The following UBE3A variants were observed in gnomAD, a reference collection of about 807,000 sequenced individuals.
UBE3A encodes the protein ubiquitin-protein ligase E3A.
UBE3A carries 6 observed loss-of-function variants against 83.4 expected under a neutral mutation model. The ratio of observed to expected loss-of-function variants is 0.07; its 90% CI spans 0.04 to 0.14. The LOEUF is 0.14. UBE3A is among the 10% of genes least tolerant of loss of function. The pLI is 1.00. For synonymous variants in UBE3A, 337 were observed against 355.4 expected (o/e 0.95, Z 0.58); for missense variants, 456 against 1,036.1 (o/e 0.44, Z 7.69).
In UBE3A at chr15:25,337,686, GTCAATCAA is replaced by G. The variant is rs138180900; in HGVS notation, c.*1443_*1450del. On this transcript the variant is annotated 3_prime_UTR_variant, in exon 13 of 13. Transcript: ENST00000648336. ...CTACAGTAATCAGTTAAAACAATCA[GTCAATCAA>G]TCAATCAATCACCAAGGCACAAGCT... The G allele has an allele frequency of 6.6e-6, 1 of 151,940 alleles. No individual in the cohort carries two copies. The highest frequency in any genetic ancestry group is 1.5e-5 in the Non-Finnish European group (1 of 67,978). 9.4% of individuals were successfully genotyped at this position (151,940 alleles called of 1,614,324 possible). A position where few individuals can be genotyped will look rare whatever the true frequency, so the allele number is the denominator to read the frequency against.
At chr15:25,382,389 T>C (rs1316149798) in intron 4 of UBE3A, among the ~76,000 whole-genome samples, 1 of 145,046 alleles carries the variant, frequency 6.9e-6, no homozygotes, top group African/African-American at 2.7e-5. Flanking sequence ...GAATGCGTGA[T>C]ATATGATAAA....
At chr15:25,427,363 G>A (rs1891625533) in intron 1 of UBE3A, among the ~76,000 whole-genome samples, 1 of 151,868 alleles carries the variant, frequency 6.6e-6, no homozygotes, top group African/African-American at 2.4e-5. Context: ...AAGATAGAAG[G>A]AAGATGGATA....
intron 1 of UBE3A, among the ~76,000 whole-genome samples, chr15:25,435,364 A>G (rs990732661): frequency 2.0e-5 from 3 of 152,154 alleles, no homozygotes; most frequent in African/African-American, 7.2e-5. Context: ...CACAGGAGGA[A>G]CCTAATAAAT....
intron 1 of UBE3A, among the ~76,000 whole-genome samples, chr15:25,415,092 A>G (rs987646235): frequency 1.3e-5 from 2 of 152,164 alleles, no homozygotes; most frequent in Non-Finnish European, 2.9e-5. Flanking sequence ...TTGCCTTCTA[A>G]TTTATACTCA....
intron 3 of UBE3A, chr15:25,408,814 ATG>A (rs1315824813): frequency 3.9e-5 from 34 of 863,840 alleles, no homozygotes; most frequent in East Asian, 1.9e-4. Context: ...GTTTTCTATA[ATG>A]TTTATAGTAA....
rs1895901392 is a variant in UBE3A, at chr15:25,438,617, C to A, written c.-293G>T. On this transcript the variant is annotated 5_prime_UTR_variant, in exon 1 of 13. Coordinates refer to ENST00000648336, the MANE Select transcript of UBE3A (RefSeq NM_130839.5). ...CCACCGCCGGGGCTCATGCGGGACC[C>A]GCGCTTCCTTATCCGGAAAACGAGG... 2.0e-5 allele frequency: 3 copies of A among 153,006 alleles called. No individual in the cohort carries two copies. Among genetic ancestry groups the A allele is most frequent in the South Asian group, 3.7e-4 (2 of 5,416 alleles). The allele number at this position is 153,006 out of a possible 1,614,324, so 9.5% of individuals were successfully genotyped here. A position where few individuals can be genotyped will look rare whatever the true frequency, so the allele number is the denominator to read the frequency against.
At chr15:25,408,477 C>T in intron 3 of UBE3A, 1 of 1,146,246 alleles carries the variant, frequency 8.7e-7, no homozygotes, top group Non-Finnish European at 1.3e-6. Flanking sequence ...AAACAATAAC[C>T]AAATAACATT....
chr15:25,377,363 A>AC (rs2081386175), intron 4 of UBE3A, among the ~76,000 whole-genome samples: 1 of 152,252 alleles, frequency 6.6e-6, no homozygotes, highest in Admixed American at 6.5e-5. Flanking sequence ...CAGAGAAAAA[A>AC]GAAAACCCAC....
At chr15:25,416,838 G>A (rs1016684088) in intron 1 of UBE3A, among the ~76,000 whole-genome samples, 1 of 152,082 alleles carries the variant, frequency 6.6e-6, no homozygotes, top group Admixed American at 6.6e-5. Context: ...CAAAGGAGGT[G>A]AGCCATCCAC....
intron 3 of UBE3A, 87 bp from the exon 4 acceptor site, chr15:25,405,589 T>A: frequency 2.1e-6 from 3 of 1,403,004 alleles, no homozygotes; most frequent in Non-Finnish European, 3.0e-6. Flanking sequence ...GACAATTTTG[T>A]AAACAAGATT....
chr15:25,334,135 G>C lies in UBE3A; in HGVS notation c.*5002C>G, dbSNP rs929756096. On this transcript the variant is annotated 3_prime_UTR_variant, in exon 13 of 13. Transcript: ENST00000648336. ...AAATGAAATAATAGGAATCTAGACT[G>C]GAAAGGAAGAAGTAAAAGTATTTCT... The C allele has an allele frequency of 7.2e-5, 11 of 151,730 alleles. No individual in the cohort carries two copies. Among genetic ancestry groups the C allele is most frequent in the African/African-American group, 2.7e-4 (11 of 41,428 alleles). 9.4% of individuals were successfully genotyped at this position (151,730 alleles called of 1,614,324 possible). A position where few individuals can be genotyped will look rare whatever the true frequency, so the allele number is the denominator to read the frequency against.
intron 5 of UBE3A, among the ~76,000 whole-genome samples, chr15:25,373,020 ACAAGAGTAC>A (rs1248242039): frequency 6.6e-6 from 1 of 152,210 alleles, no homozygotes; most frequent in African/African-American, 2.4e-5. Context: ...TGGCCCAGCT[ACAAGAGTAC>A]CAACACTTAC....
chr15:25,370,702 T>A lies in UBE3A; in HGVS notation c.1472A>T (p.Tyr491Phe). The A allele has an allele frequency of 6.2e-7, 1 of 1,614,164 alleles. No homozygotes were observed. Among genetic ancestry groups the A allele is most frequent in the Non-Finnish European group, 8.5e-7 (1 of 1,180,016 alleles). ...GTACATGCGAATTCTATTGTCATAA[T>A]ATAATCCCAAATTCTTTGTGACAGC... ...LNAVTKNLGL[Y>F]YDNRIRMYSE... The change falls in exon 6 of 13, where the codon TAT becomes TTT. Residue 491 changes from tyrosine to phenylalanine, a missense_variant. Transcript: ENST00000648336. The surrounding 1 kb of genome is among the most constrained non-coding windows in gnomAD (Gnocchi z 4.2).
At chr15:25,345,130 C>T (rs972936739) in intron 11 of UBE3A, among the ~76,000 whole-genome samples, 1 of 152,088 alleles carries the variant, frequency 6.6e-6, no homozygotes, top group African/African-American at 2.4e-5. Context: ...GAAGCAGATG[C>T]AAGGTAACTG....
rs6576418 is a variant in UBE3A at position 25,334,699 on chromosome 15, C to T, written c.*4438G>A. 0.37 allele frequency: 56,186 copies of T among 151,720 alleles called. 13,616 individuals are homozygous for T. The highest frequency in any genetic ancestry group is 0.7 in the African/African-American group (28,822 of 41,332). 9.4% of individuals were successfully genotyped at this position (151,720 alleles called of 1,614,324 possible). A position where few individuals can be genotyped will look rare whatever the true frequency, so the allele number is the denominator to read the frequency against. ...AGACAGTGCGGTGCTGGTATAACGA[C>T]AGACATATAGGGCAATGGAGTAAGA... On this transcript the variant is annotated 3_prime_UTR_variant, in exon 13 of 13. Transcript: ENST00000648336.
chr15:25,368,285 C>G (rs1385952142), intron 6 of UBE3A, among the ~76,000 whole-genome samples: 1 of 152,076 alleles, frequency 6.6e-6, no homozygotes, highest in East Asian at 1.9e-4. Flanking sequence ...TCATCACCTG[C>G]TGTGAATACT....
intron 1 of UBE3A, among the ~76,000 whole-genome samples, chr15:25,436,117 CTT>C: frequency 6.6e-6 from 1 of 152,246 alleles, no homozygotes; most frequent in African/African-American, 2.4e-5. Flanking sequence ...ACCAAGATGT[CTT>C]GTTACTACAT....
intron 9 of UBE3A, among the ~76,000 whole-genome samples, chr15:25,354,948 A>T (rs2077023471): frequency 1.3e-5 from 2 of 152,138 alleles, no homozygotes; most frequent in Admixed American, 1.3e-4. Context: ...TACTTCTTAC[A>T]ATTTCACAAT....
At chr15:25,433,524 C>T (rs909204977) in intron 1 of UBE3A, among the ~76,000 whole-genome samples, 2 of 152,118 alleles carry the variant, frequency 1.3e-5, no homozygotes, top group Non-Finnish European at 1.5e-5. Context: ...AGAATGATCA[C>T]GTTTGAAAAG....
Sources: allele counts gnomAD v4.1 joint callset (sites outside exome capture counted in the v4.1 genomes callset), GRCh38; gene constraint gnomAD v4.1.1; non-coding constraint Gnocchi (gnomAD v3.1); transcripts MANE v1.5; gene names NCBI Gene and HGNC (gene_info 2026-07-23, HGNC 2026-07-21).